Variants in ICA1 observed in about 807,000 individuals in gnomAD.
The protein encoded by ICA1 is islet cell autoantigen 1.
ICA1 carries 40 observed loss-of-function variants against 71.0 expected under a neutral mutation model. The ratio of observed to expected loss-of-function variants is 0.56; its 90% CI spans 0.44 to 0.73. The LOEUF (loss-of-function observed/expected upper bound fraction) is 0.73. Among genes scored for constraint, ICA1 ranks in the 30% least tolerant of loss-of-function variants. The pLI is 0.00. For missense variants in ICA1, 578 were observed against 576.5 expected (o/e 1.00, Z -0.03); for synonymous variants, 207 against 209.5 (o/e 0.99, Z 0.10).
At chr7:8,168,015 AGAGAGAGAAAAAGAGG>A (rs1806762230) in intron 6 of ICA1, among the ~76,000 whole-genome samples, 1 of 96,654 alleles carries the variant, frequency 1.0e-5, no homozygotes, top group African/African-American at 8.7e-5. Context: ...GGGAGAGAGC[AGAGAGAGAAAAAGAGG>A]GAGAGAGAGA....
chr7:8,209,738 A>C (rs1792971913), intron 6 of ICA1, among the ~76,000 whole-genome samples: 1 of 18,106 alleles, frequency 5.5e-5, no homozygotes, highest in Non-Finnish European at 1.0e-4. Context: ...GGAAGTCGGC[A>C]AAGGCTCCCT....
Position 8,173,602 on chromosome 7 carries a change from A to G in ICA1, c.580-14950T>C, listed in dbSNP as rs1779553017. On this transcript the variant is annotated intron_variant, in intron 6 of 13. Coordinates refer to ENST00000402384, the MANE Select transcript of ICA1 (RefSeq NM_001136020.3). The surrounding 1 kb of genome is among the most constrained non-coding windows in gnomAD (Gnocchi z 4.0). ...CGACCGGATAATTGACAAGGGAGTT[A>G]TTCATTGCTGAAGCATTCCAACTAA... Among the ~76,000 whole-genome samples, 1 of 152,244 alleles carries G rather than the reference A, an allele frequency of 6.6e-6. No homozygotes were observed. The highest frequency in any genetic ancestry group is 2.1e-4 in the South Asian group (1 of 4,836).
chr7:8,198,498 A>C (rs1374599577), intron 6 of ICA1, among the ~76,000 whole-genome samples: 1 of 152,108 alleles, frequency 6.6e-6, no homozygotes, highest in African/African-American at 2.4e-5. Context: ...CTTTGCAGAG[A>C]CGTTGATGTG....
intron 1 of ICA1, among the ~76,000 whole-genome samples, chr7:8,251,847 C>G (rs1808309891): frequency 6.6e-6 from 1 of 152,082 alleles, no homozygotes; most frequent in Non-Finnish European, 1.5e-5. Flanking sequence ...AAATTAAAAA[C>G]AAACCAGAAA....
chr7:8,180,354 C>T (rs570963979), intron 6 of ICA1, among the ~76,000 whole-genome samples: 1 of 152,056 alleles, frequency 6.6e-6, no homozygotes, highest in Non-Finnish European at 1.5e-5. Flanking sequence ...AATATAGTAA[C>T]AGTTCGTTCT....
Position 8,246,930 on chromosome 7 carries a change from T to C in ICA1, c.-79-10925A>G, listed in dbSNP as rs142965565. Among the ~76,000 whole-genome samples, 46 of 152,248 alleles carry C rather than the reference T, an allele frequency of 3.0e-4. 1 individual carries two copies. In the East Asian group the frequency reaches 8.1e-3, roughly 27 times the overall value. ...CCTGGCTAAGTTTTTGTATTTTTAG[T>C]AGAGATGGGGTTTCACCGTGTTAGC... On this transcript the variant is annotated intron_variant, in intron 1 of 13. Transcript: ENST00000402384.
At chr7:8,200,261 A>G (rs1210836291) in intron 6 of ICA1, among the ~76,000 whole-genome samples, 2 of 146,082 alleles carry the variant, frequency 1.4e-5, no homozygotes, top group African/African-American at 5.1e-5. Context: ...CAGTTAAAGC[A>G]TAGTGCCATG....
chr7:8,214,992 T>A (rs576485137), intron 6 of ICA1, among the ~76,000 whole-genome samples: 7 of 152,096 alleles, frequency 4.6e-5, no homozygotes, highest in Non-Finnish European at 1.0e-4. Flanking sequence ...CTGGTCTACC[T>A]CCCCCTTCAT....
At chr7:8,248,673 G>A (rs1019734895) in intron 1 of ICA1, among the ~76,000 whole-genome samples, 5 of 152,164 alleles carry the variant, frequency 3.3e-5, no homozygotes, top group Admixed American at 6.5e-5. Flanking sequence ...CTGAGATCAT[G>A]CCACTGCACT....
Position 8,258,594 on chromosome 7 carries a change from G to A in ICA1, c.-80+3500C>T, listed in dbSNP as rs1274839498. Among the ~76,000 whole-genome samples, 4 of 152,186 alleles carry A rather than the reference G, an allele frequency of 2.6e-5. 1 individual carries two copies. Among genetic ancestry groups the A allele is most frequent in the African/African-American group, 9.7e-5 (4 of 41,436 alleles). ...TGATTTATATTCATTTCACGAAGAA[G>A]TTTAAGTTCAGTTATCTTAAGCAAC... On this transcript the variant is annotated intron_variant, in intron 1 of 13. Coordinates refer to ENST00000402384, the MANE Select transcript of ICA1 (RefSeq NM_001136020.3).
chr7:8,150,986 T>G (rs1798605540), intron 8 of ICA1, among the ~76,000 whole-genome samples: 1 of 152,204 alleles, frequency 6.6e-6, no homozygotes, highest in Admixed American at 6.5e-5. Context: ...GTGTCCTCAT[T>G]TGAAACACGG....
At chr7:8,232,269 G>C (rs914552296) in intron 3 of ICA1, among the ~76,000 whole-genome samples, 2 of 152,116 alleles carry the variant, frequency 1.3e-5, no homozygotes, top group Non-Finnish European at 2.9e-5. Context: ...CCAGATTCTA[G>C]TGTTCTAAAT....
At chr7:8,154,356 C>T (rs1332089732) in intron 8 of ICA1, among the ~76,000 whole-genome samples, 2 of 152,122 alleles carry the variant, frequency 1.3e-5, no homozygotes, top group Admixed American at 1.3e-4. Flanking sequence ...AAAACTTGTC[C>T]CTCCAAACAG....
intron 12 of ICA1, among the ~76,000 whole-genome samples, chr7:8,137,701 T>C (rs1040448776): frequency 3.9e-5 from 6 of 152,248 alleles, no homozygotes; most frequent in African/African-American, 1.4e-4. Flanking sequence ...CACACAGTAC[T>C]GCATAGTATG....
intron 13 of ICA1, among the ~76,000 whole-genome samples, chr7:8,118,811 C>T (rs1029828667): frequency 6.6e-6 from 1 of 152,214 alleles, no homozygotes; most frequent in African/African-American, 2.4e-5. Context: ...ACCCCTGCAG[C>T]TTGCCCTCAG....
In ICA1 at chr7:8,205,211, C is replaced by T. The variant is rs529922381; in HGVS notation, c.579+13094G>A. 2.6e-5 allele frequency among the ~76,000 whole-genome samples: 4 copies of T among 152,204 alleles called. No individual in the cohort carries two copies. The South Asian group carries it at 6.2e-4, about 24-fold the overall frequency. On this transcript the variant is annotated intron_variant, in intron 6 of 13. Transcript: ENST00000402384. ...CTGACATAGCTTCAGTTTACAAATC[C>T]CTGCCTTTTCCTGGCAGGGCTTGGG... is the stretch of plus-strand genomic sequence containing the variant.
chr7:8,255,986 G>T (rs1329608660), intron 1 of ICA1, among the ~76,000 whole-genome samples: 3 of 151,356 alleles, frequency 2.0e-5, no homozygotes, highest in Admixed American at 2.0e-4. Flanking sequence ...TGTTGCCCAG[G>T]CTGGTCTCAA....
intron 3 of ICA1, among the ~76,000 whole-genome samples, chr7:8,230,253 A>C (rs1275947199): frequency 6.6e-6 from 1 of 152,228 alleles, no homozygotes; most frequent in Non-Finnish European, 1.5e-5. Context: ...ATTAAAACTC[A>C]GCGCAATATT....
intron 6 of ICA1, among the ~76,000 whole-genome samples, chr7:8,162,460 G>C (rs1227563735): frequency 6.6e-6 from 1 of 152,310 alleles, no homozygotes; most frequent in South Asian, 2.1e-4. Flanking sequence ...CTCCATGTCT[G>C]CTCTAGAAAA....
Sources: allele counts gnomAD v4.1 joint callset (sites outside exome capture counted in the v4.1 genomes callset), GRCh38; gene constraint gnomAD v4.1.1; non-coding constraint Gnocchi (gnomAD v3.1); transcripts MANE v1.5; gene names NCBI Gene and HGNC (gene_info 2026-07-23, HGNC 2026-07-21).